C1QTNF5: variants seen among roughly 807,000 people sequenced by gnomAD.
C1QTNF5 encodes the protein complement C1q tumor necrosis factor-related protein 5.
C1QTNF5 carries 5 observed loss-of-function variants against 10.9 expected under a neutral mutation model. That is an observed-to-expected ratio of 0.46 (90% CI 0.24 to 0.97). C1QTNF5 has a LOEUF of 0.97. Ranked by LOEUF, C1QTNF5 falls within the 50% of genes least tolerant of loss-of-function variation. The pLI, the probability that C1QTNF5 is intolerant of heterozygous loss-of-function variation, is 0.19. For missense variants in C1QTNF5, 281 were observed against 339.4 expected (o/e 0.83, Z 1.35); for synonymous variants, 161 against 156.5 (o/e 1.03, Z -0.22).
upstream of C1QTNF5, chr11:119,342,755 C>T (rs759321899): frequency 1.9e-6 from 3 of 1,613,282 alleles, no homozygotes; most frequent in African/African-American, 2.7e-5. Flanking sequence ...ATGGCAGTGC[C>T]CGGGGACATA....
chr11:119,340,254 G>A lies in C1QTNF5; in HGVS notation c.144C>T (p.Gly48=), dbSNP rs1156581124. 2.0e-6 allele frequency: 3 copies of A among 1,515,792 alleles called. No homozygotes were observed. The highest frequency in any genetic ancestry group is 2.1e-5 in the Admixed American group (1 of 46,804). 93.9% of individuals were successfully genotyped at this position (1,515,792 alleles called of 1,614,324 possible). The change falls in exon 2 of 3, where the codon GGC becomes GGT. Residue 48 remains glycine (G), a synonymous_variant. Transcript: ENST00000528368. ...PGHHGSQGLP[G]RDGRDGRDGA... ...CGTCGCGGCCGTCGCGGCCATCGCG[G>A]CCCGGCAAGCCCTGGCTGCCATGGT... is the stretch of plus-strand genomic sequence containing the variant.
chr11:119,341,506 A>G (rs1319478168), upstream of C1QTNF5: 2 of 1,556,300 alleles, frequency 1.3e-6, no homozygotes, highest in East Asian at 2.2e-5. Context: ...CCTGACCGGC[A>G]AAAGAGGACG....
rs1950469795 is a variant in C1QTNF5 at position 119,339,189 on chromosome 11, A to T, written c.*142T>A. 3 of 923,682 alleles carry T rather than the reference A, an allele frequency of 3.2e-6. No individual in the cohort carries two copies. The highest frequency in any genetic ancestry group is 3.3e-5 in the African/African-American group (2 of 59,858). 57.2% of individuals were successfully genotyped at this position (923,682 alleles called of 1,614,324 possible). A position where few individuals can be genotyped will look rare whatever the true frequency, so the allele number is the denominator to read the frequency against. On this transcript the variant is annotated 3_prime_UTR_variant, in exon 3 of 3. Transcript: ENST00000528368. The surrounding 1 kb of genome is among the most constrained non-coding windows in gnomAD (Gnocchi z 5.4). The stretch of plus-strand genomic sequence containing the variant: ...ACAGCCACTGTTCCCATTCCTTGCC[A>T]GCAGCAGGACGGAGAGTGCTCTACC...
At chr11:119,340,475 A>G in intron 1 of C1QTNF5, 35 bp from the exon 2 acceptor site, 1 of 1,437,024 alleles carries the variant, frequency 7.0e-7, no homozygotes, top group Non-Finnish European at 9.4e-7. Flanking sequence ...CGGGACCCAG[A>G]ATCCTGGGAC....
chr11:119,344,992 C>T (rs753521106), upstream of C1QTNF5: 1 of 1,605,634 alleles, frequency 6.2e-7, no homozygotes, highest in Non-Finnish European at 8.5e-7. Flanking sequence ...GGGGAGGCAC[C>T]CTTCCACAAA....
upstream of C1QTNF5, among the ~76,000 whole-genome samples, chr11:119,342,297 T>A (rs1444218846): frequency 6.6e-6 from 1 of 152,198 alleles, no homozygotes; most frequent in African/African-American, 2.4e-5. Flanking sequence ...TGTAAGAGGA[T>A]GCCTTCATCT....
At chr11:119,344,724 T>C, upstream of C1QTNF5, 1 of 1,614,004 alleles carries the variant, frequency 6.2e-7, no homozygotes, top group Non-Finnish European at 8.5e-7. Flanking sequence ...GCAGATGAGC[T>C]GGTCACAGCG....
chr11:119,341,581 C>A (rs768762152), upstream of C1QTNF5: 5 of 1,612,892 alleles, frequency 3.1e-6, no homozygotes, highest in Admixed American at 1.7e-5. Flanking sequence ...GGTCAGCTGC[C>A]TCTGGCAGCC....
upstream of C1QTNF5, chr11:119,344,386 C>A (rs753835210): frequency 1.5e-5 from 24 of 1,613,644 alleles, no homozygotes; most frequent in African/African-American, 2.7e-5. Context: ...AGATTCCCCC[C>A]ACACCCTGTA....
At chr11:119,342,179 C>T (rs1005563355), upstream of C1QTNF5, among the ~76,000 whole-genome samples, 9 of 152,200 alleles carry the variant, frequency 5.9e-5, no homozygotes, top group African/African-American at 2.2e-4. Context: ...GCTCCAGCAT[C>T]GCTTGCCAGC....
upstream of C1QTNF5, chr11:119,344,446 T>C: frequency 7.0e-6 from 11 of 1,571,446 alleles, no homozygotes; most frequent in Non-Finnish European, 9.6e-6. Flanking sequence ...CTCCATCCAA[T>C]AGGGCTGGCG....
chr11:119,340,200 G>T lies in C1QTNF5; in HGVS notation c.198C>A (p.Gly66=), dbSNP rs932268494. The change falls in exon 2 of 3, where the codon GGC becomes GGA. Residue 66 remains glycine, a synonymous_variant. Transcript: ENST00000528368. ...DGAPGAPGEK[G]EGGRPGLPGP... is the part of the protein sequence containing the mutation. Reference sequence around the variant, plus strand: ...CCTTCTTACCCGGCCTCCCGCCCTCGCCTTTCTCTCCCGGAGCCCCGGGCG... The same window carrying T: ...CCTTCTTACCCGGCCTCCCGCCCTCTCCTTTCTCTCCCGGAGCCCCGGGCG... 1 of 1,516,010 alleles carries T rather than the reference G, an allele frequency of 6.6e-7. No homozygotes were observed. The highest frequency in any genetic ancestry group is 8.8e-7 in the Non-Finnish European group (1 of 1,134,764). The allele number at this position is 1,516,010 out of a possible 1,614,324, so 93.9% of individuals were successfully genotyped here. A position where few individuals can be genotyped will look rare whatever the true frequency, so the allele number is the denominator to read the frequency against.
upstream of C1QTNF5, chr11:119,343,041 G>A (rs748740800): frequency 3.2e-6 from 5 of 1,567,292 alleles, no homozygotes; most frequent in African/African-American, 6.8e-5. Context: ...CACCAGCCCT[G>A]GCTGACTGAG....
Position 119,339,130 on chromosome 11 carries a change from A to G in C1QTNF5, c.*201T>C. ...CTCCTCTGGTCTTGGGCAGAAATCC[A>G]GCCACTGCCCCATGCTGCCAGACCT... On this transcript the variant is annotated 3_prime_UTR_variant, in exon 3 of 3. Transcript: ENST00000528368. This position sits in a 1 kb window ranked among gnomAD's most constrained non-coding sequence, Gnocchi z 5.4. 2 of 626,022 alleles carry G rather than the reference A, an allele frequency of 3.2e-6. No individual in the cohort carries two copies. Among genetic ancestry groups the G allele is most frequent in the South Asian group, 2.1e-5 (1 of 47,178 alleles). The allele number at this position is 626,022 out of a possible 1,614,324, so 38.8% of individuals were successfully genotyped here.
chr11:119,346,270 A>G, the C1QTNF5 span: 1 of 1,611,396 alleles, frequency 6.2e-7, no homozygotes, highest in Non-Finnish European at 8.5e-7. Context: ...TGGGATGGTT[A>G]CCATGCCAGG....
At chr11:119,342,035 G>T, upstream of C1QTNF5, 1 of 1,609,584 alleles carries the variant, frequency 6.2e-7, no homozygotes, top group Non-Finnish European at 8.5e-7. Flanking sequence ...CTGGCTCTGT[G>T]GCCTGTGGCA....
At chr11:119,342,894 G>A, upstream of C1QTNF5, 4 of 1,613,072 alleles carry the variant, frequency 2.5e-6, no homozygotes, top group Non-Finnish European at 3.4e-6. Flanking sequence ...TTGAAGGCCA[G>A]GTAGGTGGCT....
chr11:119,343,847 T>C, upstream of C1QTNF5: 1 of 1,613,984 alleles, frequency 6.2e-7, no homozygotes, highest in Non-Finnish European at 8.5e-7. Flanking sequence ...CCTGAGCTGC[T>C]GGTCTCATAC....
chr11:119,340,131 C>A, intron 2 of C1QTNF5, 53 bp downstream of exon 2: 1 of 1,483,316 alleles, frequency 6.7e-7, no homozygotes. Context: ...GCTGGAGCTG[C>A]GGCCGCGCCT....
Sources: allele counts gnomAD v4.1 joint callset (sites outside exome capture counted in the v4.1 genomes callset), GRCh38; gene constraint gnomAD v4.1.1; non-coding constraint Gnocchi (gnomAD v3.1); transcripts MANE v1.5; gene names NCBI Gene and HGNC (gene_info 2026-07-23, HGNC 2026-07-21).